The following LAS1L variants were observed in gnomAD, a reference collection of about 807,000 sequenced individuals.
LAS1L encodes LAS1 like ribosome biogenesis factor.
A neutral mutation model predicts 57.3 loss-of-function variants in LAS1L; 5 were observed. The observed-to-expected ratio is 0.09, with a 90% CI of 0.05 to 0.18. The LOEUF (loss-of-function observed/expected upper bound fraction) is 0.18, where lower values mean the gene tolerates loss of function less well. LAS1L is among the 10% of genes least tolerant of loss of function. The pLI is 1.00. For missense variants in LAS1L, 360 were observed against 568.3 expected (o/e 0.63, Z 3.73); for synonymous variants, 245 against 231.7 (o/e 1.06, Z -0.52).
At chrX:65,534,382 A>G in intron 1 of LAS1L, 98 bp downstream of exon 1, 1 of 647,896 alleles carries the variant, frequency 1.5e-6, no homozygotes, top group Non-Finnish European at 2.3e-6. Context: ...TAGGCGACTT[A>G]GGGGAAGACT....
intron 11 of LAS1L, chrX:65,520,941 C>A (rs1168835924): frequency 1.3e-6 from 1 of 753,761 alleles, no homozygotes; most frequent in Non-Finnish European, 1.6e-6. Flanking sequence ...TTGCTTTATT[C>A]TTTCTCCTGC....
At chrX:65,534,201 C>A (rs950510884) in intron 1 of LAS1L, among the ~76,000 whole-genome samples, 1 of 112,191 alleles carries the variant, frequency 8.9e-6, no homozygotes, top group African/African-American at 3.2e-5. Flanking sequence ...CTAGTCCCTC[C>A]GGCATCCTCT....
At chrX:65,520,053 T>C (rs914005038) in intron 11 of LAS1L, among the ~76,000 whole-genome samples, 31 of 112,005 alleles carry the variant, frequency 2.8e-4, no homozygotes, top group Admixed American at 2.7e-3. Flanking sequence ...ACTGGCAAAA[T>C]GCCTTATCAG....
At position 65,529,749 on chromosome X, in the gene LAS1L, T is replaced by A; in HGVS notation, c.644A>T (p.Lys215Met). The part of the protein sequence containing the change: ...GIEEEDQEED[K>M]NIVVDDITEQ... ...TGTGATGTCATCAACAACAATGTTC[T>A]TATCTTCCTCTTGATCCTCTTCCTC... Residue 215 changes from lysine to methionine, a missense_variant, in exon 5 of 14, where the codon AAG (lysine) becomes ATG (methionine). Physicochemically the swap from Lys to Met is moderately conservative, Grantham distance 95. Coordinates refer to ENST00000374811, the MANE Select transcript of LAS1L (RefSeq NM_031206.7). The A allele has an allele frequency of 8.3e-7, 1 of 1,211,949 alleles. No individual in the cohort carries two copies. Among genetic ancestry groups the A allele is most frequent in the Non-Finnish European group, 1.1e-6 (1 of 895,536 alleles).
Position 65,524,258 on chromosome X carries a change from G to A in LAS1L, c.1098C>T (p.Asn366=), listed in dbSNP as rs369291009. The change falls in exon 10 of 14, where the codon AAC becomes AAT. Residue 366 remains asparagine (N), a synonymous_variant. Coordinates refer to ENST00000374811, the MANE Select transcript of LAS1L (RefSeq NM_031206.7). ...GCACCAGGACGTCATTCAAGTCCAC[G>A]TTTTCTGGTTTGTAAGGGACACCCA... ...GEGTDPKSHK[N]VDLNDVLVPK... 8.3e-6 allele frequency: 10 copies of A among 1,204,446 alleles called. No homozygotes were observed. Among genetic ancestry groups the A allele is most frequent in the Non-Finnish European group, 1.1e-5 (10 of 890,766 alleles).
chrX:65,515,022 C>T (rs771322679), intron 12 of LAS1L, 49 bp from the exon 13 acceptor site: 23 of 1,158,505 alleles, frequency 2.0e-5, no homozygotes, highest in Middle Eastern at 2.6e-4. Flanking sequence ...GCTGGTTCTC[C>T]GACTGGTGCA....
chrX:65,534,130 T>C (rs1255470940), intron 1 of LAS1L, among the ~76,000 whole-genome samples: 1 of 111,647 alleles, frequency 9.0e-6, no homozygotes, highest in African/African-American at 3.3e-5. Flanking sequence ...TTCCTCCCCA[T>C]TGGAATCGGA....
intron 3 of LAS1L, among the ~76,000 whole-genome samples, chrX:65,531,980 C>T (rs1018626249): frequency 6.2e-5 from 7 of 112,129 alleles, no homozygotes; most frequent in African/African-American, 2.3e-4. Flanking sequence ...CCACCAACCA[C>T]CCTTCTACAA....
rs186394681 is a variant in LAS1L, at chrX:65,525,439, C to T, written c.957-389G>A. 2.7e-5 allele frequency among the ~76,000 whole-genome samples: 3 copies of T among 111,422 alleles called. No homozygotes were observed. The East Asian group carries it at 8.5e-4, about 31-fold the overall frequency. On this transcript the variant is annotated intron_variant, in intron 7 of 13. Transcript: ENST00000374811. ...CAAGGGCTTTTAGACTCAGTTCTTG[C>T]AGTCTGTTTATCTTGACCATTCTTC...
chrX:65,532,403 C>T (rs746458134), intron 3 of LAS1L, among the ~76,000 whole-genome samples, 158 bp downstream of exon 3: 3 of 112,839 alleles, frequency 2.7e-5, no homozygotes, highest in Non-Finnish European at 5.6e-5. Context: ...AGCAACTGTG[C>T]CTCCTTCAGG....
intron 12 of LAS1L, among the ~76,000 whole-genome samples, chrX:65,516,636 TACACACACACACACACACACACACAC>T (rs57356313): frequency 1.1e-5 from 1 of 89,569 alleles, no homozygotes; most frequent in Admixed American, 1.3e-4. Context: ...CTTTTTCCTA[TACACACACACACACACACACACACAC>T]ACACACACAC....
At chrX:65,514,399 C>A (rs1403590307) in intron 13 of LAS1L, among the ~76,000 whole-genome samples, 1 of 110,999 alleles carries the variant, frequency 9.0e-6, no homozygotes, top group African/African-American at 3.3e-5. Flanking sequence ...CCTTTCTGGG[C>A]CTCAGTTTTC....
chrX:65,529,099 G>A (rs1388169867), intron 6 of LAS1L, 113 bp downstream of exon 6: 6 of 644,987 alleles, frequency 9.3e-6, no homozygotes, highest in Admixed American at 7.3e-5. Context: ...GTTCCCTCAC[G>A]CTTTGTCACT....
intron 2 of LAS1L, among the ~76,000 whole-genome samples, chrX:65,533,216 C>A (rs1287573271): frequency 9.1e-6 from 1 of 110,405 alleles, no homozygotes; most frequent in Admixed American, 9.6e-5. Flanking sequence ...TAGGAATAGA[C>A]AGGGACAGGG....
chrX:65,519,318 G>A (rs1229389707), intron 11 of LAS1L, among the ~76,000 whole-genome samples: 1 of 112,124 alleles, frequency 8.9e-6, no homozygotes, highest in Non-Finnish European at 1.9e-5. Flanking sequence ...GGGTTCACCT[G>A]CCAATTCTGA....
At chrX:65,530,961 C>T (rs2069453501) in intron 4 of LAS1L, among the ~76,000 whole-genome samples, 1 of 111,123 alleles carries the variant, frequency 9.0e-6, no homozygotes, top group South Asian at 3.8e-4. Flanking sequence ...CCAGCCTGGG[C>T]AACAGGGTGA....
intron 2 of LAS1L, among the ~76,000 whole-genome samples, chrX:65,532,942 C>G (rs1272300925): frequency 8.9e-6 from 1 of 112,118 alleles, no homozygotes; most frequent in Non-Finnish European, 1.9e-5. Context: ...CTGCAAAGGA[C>G]TACATCAGAT....
At position 65,528,492 on chromosome X, in the gene LAS1L, AG is replaced by A. The variant is rs201974593; in HGVS notation, c.847-124del. The A allele has an allele frequency of 0.05, 21,941 of 434,726 alleles. 2,874 individuals carry two copies. Among genetic ancestry groups the A allele is most frequent in the African/African-American group, 0.44 (16,754 of 38,007 alleles). 35.8% of individuals were successfully genotyped at this position (434,726 alleles called of 1,213,427 possible). On this transcript the variant is annotated intron_variant, in intron 6 of 13. Coordinates refer to ENST00000374811, the MANE Select transcript of LAS1L (RefSeq NM_031206.7). ...CTGCAGGGGACAGGGCAGGGCATGC[AG>A]GGGGGGGCCCACAACTCCCCTACTG...
intron 12 of LAS1L, among the ~76,000 whole-genome samples, chrX:65,517,357 C>G (rs2148268043): frequency 9.1e-6 from 1 of 109,681 alleles, no homozygotes; most frequent in Non-Finnish European, 1.9e-5. Context: ...ACGCCATTCT[C>G]CTGCCTCAGC....
Sources: gnomAD v4.1 joint callset for allele counts (sites outside exome capture counted in the v4.1 genomes callset) on GRCh38, gnomAD v4.1.1 for gene constraint, MANE v1.5 for transcripts, NCBI Gene and HGNC (gene_info 2026-07-23, HGNC 2026-07-21) for gene names.